PDSS2: variants seen among roughly 807,000 people sequenced by gnomAD.
The protein encoded by PDSS2 is decaprenyl diphosphate synthase subunit 2, also known as all trans-polyprenyl-diphosphate synthase PDSS2.
PDSS2 carries 31 observed loss-of-function variants against 44.5 expected under a neutral mutation model. That is an observed-to-expected ratio of 0.70 (90% CI 0.52 to 0.94). PDSS2 has a LOEUF of 0.94. Ranked by LOEUF, PDSS2 falls within the 40% of genes least tolerant of loss-of-function variation. The pLI, the probability that PDSS2 is intolerant of heterozygous loss-of-function variation, is 0.00. For missense variants in PDSS2, 452 were observed against 482.2 expected, an observed-to-expected ratio of 0.94 and a Z score of 0.59; for synonymous variants, 157 against 180.3, an observed-to-expected ratio of 0.87 and a Z score of 1.03.
intron 7 of PDSS2, among the ~76,000 whole-genome samples, chr6:107,184,897 A>G (rs1772109216): frequency 6.6e-6 from 1 of 151,848 alleles, no homozygotes; most frequent in South Asian, 2.1e-4. Flanking sequence ...AATGATCCTC[A>G]TAAGAGGACA....
chr6:107,319,103 A>G (rs751109192), intron 2 of PDSS2, among the ~76,000 whole-genome samples: 2 of 152,166 alleles, frequency 1.3e-5, no homozygotes, highest in Non-Finnish European at 2.9e-5. Flanking sequence ...GCAATTACTA[A>G]GAACTGGTCA....
chr6:107,386,980 C>A (rs1779630844), intron 1 of PDSS2, among the ~76,000 whole-genome samples: 1 of 152,176 alleles, frequency 6.6e-6, no homozygotes, highest in Non-Finnish European at 1.5e-5. Context: ...CTAAATTTGA[C>A]TTAAGGAAAG....
At chr6:107,255,740 T>C (rs1774997634) in intron 3 of PDSS2, among the ~76,000 whole-genome samples, 1 of 152,242 alleles carries the variant, frequency 6.6e-6, no homozygotes, top group Admixed American at 6.5e-5. Flanking sequence ...AGTTCATACC[T>C]TGTTAGTCCT....
intron 2 of PDSS2, among the ~76,000 whole-genome samples, chr6:107,295,664 C>T (rs1305930698): frequency 6.6e-6 from 1 of 152,108 alleles, no homozygotes; most frequent in Non-Finnish European, 1.5e-5. Context: ...CCAGTGTGAC[C>T]TGTGAATCCA....
intron 1 of PDSS2, among the ~76,000 whole-genome samples, chr6:107,347,874 A>G (rs1052749887): frequency 6.6e-6 from 1 of 152,140 alleles, no homozygotes; most frequent in Non-Finnish European, 1.5e-5. Context: ...AAAAGGTAAA[A>G]AAGAGTAAAG....
chr6:107,435,473 T>C (rs946452308), intron 1 of PDSS2, among the ~76,000 whole-genome samples: 2 of 152,198 alleles, frequency 1.3e-5, no homozygotes, highest in African/African-American at 4.8e-5. Context: ...TAATCAAAAA[T>C]GCTTTTAGCA....
At chr6:107,280,939 A>C (rs896499416) in intron 2 of PDSS2, among the ~76,000 whole-genome samples, 1 of 152,170 alleles carries the variant, frequency 6.6e-6, no homozygotes, top group African/African-American at 2.4e-5. Context: ...GTCCTCACTT[A>C]AAAACCTTAC....
chr6:107,404,650 C>T (rs1242634946), intron 1 of PDSS2, among the ~76,000 whole-genome samples: 5 of 152,158 alleles, frequency 3.3e-5, no homozygotes, highest in Admixed American at 6.5e-5. Flanking sequence ...ACCATCAGAT[C>T]TTGTGAGAAC....
intron 1 of PDSS2, among the ~76,000 whole-genome samples, chr6:107,394,927 T>C (rs1779894079): frequency 6.6e-6 from 1 of 152,198 alleles, no homozygotes; most frequent in Non-Finnish European, 1.5e-5. Context: ...CAGTTTCCAT[T>C]AGGTATCGTT....
chr6:107,272,674 C>T (rs1171963178), intron 3 of PDSS2, among the ~76,000 whole-genome samples: 1 of 152,094 alleles, frequency 6.6e-6, no homozygotes, highest in African/African-American at 2.4e-5. Flanking sequence ...AGCAGATTGG[C>T]AATATGTATC....
rs376011801 is a variant in PDSS2, at chr6:107,418,364, T to A, written c.296+40626A>T. On this transcript the variant is annotated intron_variant, in intron 1 of 7. Transcript: ENST00000369037. ...GTGGTTGAAAAAGGCAAGGAACAGA[T>A]CCTCTCTAGAACCTCCAGAAGGAAC... Among the ~76,000 whole-genome samples, 8 of 152,174 alleles carry A rather than the reference T, an allele frequency of 5.3e-5. No individual in the cohort carries two copies. The East Asian group carries it at 1.5e-3, about 29-fold the overall frequency.
chr6:107,267,273 C>A (rs902667813), intron 3 of PDSS2, among the ~76,000 whole-genome samples: 4 of 152,198 alleles, frequency 2.6e-5, no homozygotes, highest in African/African-American at 9.6e-5. Context: ...AACGGCCAGC[C>A]TGTGAAGCTA....
intron 2 of PDSS2, among the ~76,000 whole-genome samples, chr6:107,296,397 C>T (rs1343596288): frequency 6.6e-6 from 1 of 152,106 alleles, no homozygotes; most frequent in African/African-American, 2.4e-5. Flanking sequence ...TTCTCACAGC[C>T]TTATATCTCT....
chr6:107,217,450 T>C (rs865946807), intron 4 of PDSS2, among the ~76,000 whole-genome samples: 4 of 151,746 alleles, frequency 2.6e-5, no homozygotes, highest in Admixed American at 6.6e-5. Context: ...AGCCAAGGAA[T>C]AAACATGGAA....
chr6:107,212,421 C>T (rs1773252958), intron 4 of PDSS2, 139 bp from the exon 5 acceptor site: 9 of 664,232 alleles, frequency 1.4e-5, no homozygotes, highest in African/African-American at 3.6e-5. Context: ...CTAAAAGATG[C>T]CTAACCTCAG....
At chr6:107,227,149 T>C (rs1320381318) in intron 4 of PDSS2, among the ~76,000 whole-genome samples, 1 of 151,654 alleles carries the variant, frequency 6.6e-6, no homozygotes, top group Non-Finnish European at 1.5e-5. Flanking sequence ...CTGGCTAATG[T>C]TTTAAATATT....
chr6:107,300,613 G>T (rs1776662135), intron 2 of PDSS2, among the ~76,000 whole-genome samples: 1 of 152,162 alleles, frequency 6.6e-6, no homozygotes, highest in South Asian at 2.1e-4. Flanking sequence ...ATCATCTATT[G>T]CCTGAGAGCA....
intron 7 of PDSS2, among the ~76,000 whole-genome samples, chr6:107,178,318 C>T (rs901293011): frequency 2.0e-5 from 3 of 152,180 alleles, no homozygotes; most frequent in African/African-American, 7.2e-5. Context: ...TGTATATTTA[C>T]TCTGTGCCAT....
At chr6:107,283,580 C>T (rs1391320547) in intron 2 of PDSS2, among the ~76,000 whole-genome samples, 1 of 149,958 alleles carries the variant, frequency 6.7e-6, no homozygotes, top group East Asian at 2.0e-4. Context: ...ATTAGCTGGG[C>T]GTGGTGTTGC....
Sources: allele counts gnomAD v4.1 joint callset (sites outside exome capture counted in the v4.1 genomes callset), GRCh38; gene constraint gnomAD v4.1.1; transcripts MANE v1.5; gene names NCBI Gene and HGNC (gene_info 2026-07-23, HGNC 2026-07-21).